RHCG: variants seen among roughly 807,000 people sequenced by gnomAD.
RHCG encodes the protein ammonium transporter Rh type C.
Under a neutral mutation model 55.3 loss-of-function variants are expected in RHCG, and 39 were observed. The observed-to-expected ratio is 0.70, with a 90% confidence interval of 0.55 to 0.92. The LOEUF (loss-of-function observed/expected upper bound fraction) is 0.92. Ranked by LOEUF, RHCG falls within the 40% of genes least tolerant of loss-of-function variation. The probability of loss-of-function intolerance (pLI) is 0.00; values close to 1 mark genes in which losing one functional copy is unlikely to be tolerated. For synonymous variants in RHCG, 250 were observed against 246.8 expected (o/e 1.01, Z -0.12); for missense variants, 635 against 627.9 (o/e 1.01, Z -0.12).
chr15:89,490,299 T>G (rs1227254779), intron 1 of RHCG, among the ~76,000 whole-genome samples: 1 of 152,248 alleles, frequency 6.6e-6, no homozygotes, highest in Non-Finnish European at 1.5e-5. Context: ...AGCAGCTACC[T>G]GGAGGAGGCT....
intron 1 of RHCG, among the ~76,000 whole-genome samples, chr15:89,492,799 T>C (rs988000513): frequency 1.3e-5 from 2 of 152,248 alleles, no homozygotes; most frequent in South Asian, 4.1e-4. Context: ...GACTCCACCA[T>C]GTTTCTAACA....
chr15:89,493,129 C>T (rs1961506777), intron 1 of RHCG, among the ~76,000 whole-genome samples: 1 of 152,184 alleles, frequency 6.6e-6, no homozygotes, highest in South Asian at 2.1e-4. Context: ...CTGCTTCGGC[C>T]TCATGACACA....
chr15:89,476,687 C>T, intron 9 of RHCG, 68 bp downstream of exon 9: 1 of 1,357,644 alleles, frequency 7.4e-7, no homozygotes, highest in Non-Finnish European at 1.1e-6. Context: ...CCCAGCCCAG[C>T]TGATGCAGTG....
At chr15:89,485,269 T>C (rs1460565890) in intron 2 of RHCG, among the ~76,000 whole-genome samples, 2 of 152,226 alleles carry the variant, frequency 1.3e-5, no homozygotes, top group African/African-American at 4.8e-5. Context: ...TACAGGTGTT[T>C]TTATACTTTG....
In RHCG at chr15:89,483,253, A is replaced by G. The variant is rs1961301460; in HGVS notation, c.372-36T>C. The G allele has an allele frequency of 9.4e-6, 14 of 1,485,168 alleles. No homozygotes were observed. In the African/African-American group the frequency reaches 1.2e-4, roughly 13 times the overall value. 92.0% of individuals were successfully genotyped at this position (1,485,168 alleles called of 1,614,324 possible). On this transcript the variant is annotated intron_variant, in intron 2 of 10. Coordinates refer to ENST00000268122, the MANE Select transcript of RHCG (RefSeq NM_016321.3). ...ACAGGCCAGTGGAGAAGCTGGGGCA[A>G]TAGCAAAAAGTGGCACTGGAGGCCC...
intron 9 of RHCG, 112 bp downstream of exon 9, chr15:89,476,643 C>G: frequency 2.3e-6 from 2 of 852,356 alleles, no homozygotes; most frequent in Non-Finnish European, 4.0e-6. Flanking sequence ...AATGTAGGCT[C>G]TGACCCCCAC....
intron 2 of RHCG, among the ~76,000 whole-genome samples, chr15:89,483,563 T>C (rs1309589907): frequency 6.6e-6 from 1 of 152,174 alleles, no homozygotes; most frequent in Non-Finnish European, 1.5e-5. Flanking sequence ...CTGTAGCTTC[T>C]ACCTGCTTTT....
At chr15:89,476,868 T>G in intron 8 of RHCG, 40 bp from the exon 9 acceptor site, 1 of 1,580,496 alleles carries the variant, frequency 6.3e-7, no homozygotes, top group Non-Finnish European at 8.7e-7. Context: ...AGGAAGTGCC[T>G]TCTCTCTGCT....
intron 9 of RHCG, among the ~76,000 whole-genome samples, chr15:89,473,253 TA>T (rs1255220995): frequency 3.0e-4 from 45 of 152,174 alleles, no homozygotes; most frequent in African/African-American, 1.1e-3. Flanking sequence ...GCAGAGGCGG[TA>T]AAAGGTAGTA....
At position 89,477,047 on chromosome 15, in the gene RHCG, C is replaced by A. The variant is rs747889176; in HGVS notation, c.1237+35G>T. 2 of 1,613,292 alleles carry A rather than the reference C, an allele frequency of 1.2e-6. No individual in the cohort carries two copies. The highest frequency in any genetic ancestry group is 4.5e-5 in the East Asian group (2 of 44,854). On this transcript the variant is annotated intron_variant, in intron 8 of 10. Coordinates refer to ENST00000268122, the MANE Select transcript of RHCG (RefSeq NM_016321.3). This position sits in a 1 kb window ranked among gnomAD's most constrained non-coding sequence, Gnocchi z 4.5. ...CTCCACCCAGGGAGCCCCACAGCAG[C>A]ACCCCCCTTCTCTGGCTCAGCCATT...
Position 89,474,880 on chromosome 15 carries a change from TCCTG to T in RHCG, c.1311+1871_1311+1874del, listed in dbSNP as rs1200177291. Among the ~76,000 whole-genome samples the T allele has an allele frequency of 1.5e-3, 204 of 136,184 alleles. 45 individuals carry two copies. Among genetic ancestry groups the T allele is most frequent in the African/African-American group, 5.1e-3 (176 of 34,836 alleles). The allele number at this position is 136,184 out of a possible 152,430, so 89.3% of individuals were successfully genotyped here. On this transcript the variant is annotated intron_variant, in intron 9 of 10. Coordinates refer to ENST00000268122, the MANE Select transcript of RHCG (RefSeq NM_016321.3). The stretch of plus-strand genomic sequence containing the variant: ...TGCCTTCCTTCCTGCCTGCCTTCCT[TCCTG>T]CCTGCCTTCCTTCCTTCCTGCCTGC...
chr15:89,496,270 C>T, intron 1 of RHCG, 91 bp downstream of exon 1: 3 of 1,340,748 alleles, frequency 2.2e-6, no homozygotes, highest in Non-Finnish European at 3.1e-6. Context: ...AGGGTAGATC[C>T]CCTCCTCTGC....
In RHCG at chr15:89,486,890, G is replaced by A. The variant is rs1220992488; in HGVS notation, c.280C>T (p.Leu94=). The A allele has an allele frequency of 6.2e-7, 1 of 1,612,940 alleles. No individual in the cohort carries two copies. ...CACTGGATGCCGAAGGCTGCCAACA[G>A]GAAGTTGAAGCCCACGGCGCTGAAG... ...YGFSAVGFNF[L]LAAFGIQWAL... Residue 94 remains leucine, a synonymous_variant, in exon 2 of 11, where the codon CTG becomes TTG. Coordinates refer to ENST00000268122, the MANE Select transcript of RHCG (RefSeq NM_016321.3).
chr15:89,496,425 C>G lies in RHCG; in HGVS notation c.120G>C (p.Trp40Cys), dbSNP rs764988070. The change falls in exon 1 of 11, where the codon TGG (tryptophan) becomes TGC (cysteine). Residue 40 changes from tryptophan to cysteine, a missense_variant. Coordinates refer to ENST00000268122, the MANE Select transcript of RHCG (RefSeq NM_016321.3). ...AGTTCTTGTGCGTCCTCTCTGACCA[C>G]CAGTGGGCGTCGGCCTCGAAGTCGT... ...VRYDFEADAHWWSERTHKNLS... is the reference protein window; with the variant it reads ...VRYDFEADAHCWSERTHKNLS... The G allele has an allele frequency of 1.5e-5, 25 of 1,613,964 alleles. No homozygotes were observed. The highest frequency in any genetic ancestry group is 2.1e-5 in the Non-Finnish European group (25 of 1,179,996).
At chr15:89,474,685 G>A (rs1379614400) in intron 9 of RHCG, among the ~76,000 whole-genome samples, 1 of 152,228 alleles carries the variant, frequency 6.6e-6, no homozygotes, top group Non-Finnish European at 1.5e-5. Context: ...GGGGTGGGAT[G>A]CTGCAGAACT....
intron 8 of RHCG, 83 bp downstream of exon 8, chr15:89,476,999 C>T: frequency 1.3e-6 from 2 of 1,595,200 alleles, no homozygotes; most frequent in Non-Finnish European, 1.7e-6. Context: ...CTCAGGCTGA[C>T]CTGTGCCGCA....
At chr15:89,479,296 C>T in intron 5 of RHCG, 26 bp downstream of exon 5, 2 of 1,600,544 alleles carry the variant, frequency 1.2e-6, no homozygotes, top group Non-Finnish European at 1.7e-6. Context: ...CAGTCAGAGC[C>T]ACACCCCCAA....
intron 1 of RHCG, among the ~76,000 whole-genome samples, chr15:89,488,478 ATTGACTGG>A (rs1304610807): frequency 6.6e-6 from 1 of 152,188 alleles, no homozygotes; most frequent in Non-Finnish European, 1.5e-5. Context: ...TGGGCAACAT[ATTGACTGG>A]GTGATCAAAA....
intron 2 of RHCG, chr15:89,486,479 G>A (rs1300252444): frequency 2.1e-6 from 1 of 472,914 alleles, no homozygotes. Flanking sequence ...CGTAGGGGAA[G>A]GGAGACCCTC....
Sources: allele counts gnomAD v4.1 joint callset (sites outside exome capture counted in the v4.1 genomes callset), GRCh38; gene constraint gnomAD v4.1.1; non-coding constraint Gnocchi (gnomAD v3.1); transcripts MANE v1.5; gene names NCBI Gene and HGNC (gene_info 2026-07-23, HGNC 2026-07-21).